Variants in RASAL3 observed in about 807,000 individuals in gnomAD.
RASAL3 encodes the protein RAS protein activator like 3, also known as RAS protein activator like-3.
Under a neutral mutation model 105.5 loss-of-function variants are expected in RASAL3, and 74 were observed. The observed-to-expected ratio is 0.70, with a 90% CI of 0.58 to 0.85. RASAL3 has a LOEUF of 0.85. Ranked by LOEUF, RASAL3 falls within the 40% of genes least tolerant of loss-of-function variation. RASAL3 has a pLI of 0.00. For synonymous variants in RASAL3, 579 were observed against 591.6 expected, an observed-to-expected ratio of 0.98 and a Z score of 0.31; for missense variants, 1,352 against 1,392.0, an observed-to-expected ratio of 0.97 and a Z score of 0.46.
Position 15,451,832 on chromosome 19 carries a change from G to A in RASAL3, c.2999C>T (p.Pro1000Leu), listed in dbSNP as rs368141019. 8.5e-5 allele frequency: 136 copies of A among 1,605,996 alleles called. No individual in the cohort carries two copies. The highest frequency in any genetic ancestry group is 1.1e-4 in the Non-Finnish European group (131 of 1,174,330). ...TCCATTGAGGCAGGGTGCTTTGAGG[G>A]GCTGGGGTTGACTCCAAGACCCCCG... is the stretch of plus-strand genomic sequence containing the variant. ...RTRGSWSQPQ[P>L]LKAPCLNGDT... The change falls in exon 18 of 18, where the codon CCC becomes CTC. Residue 1000 changes from proline to leucine, a missense_variant. Physicochemically the swap from Pro to Leu is moderately conservative, Grantham distance 98 (BLOSUM62 -3). This residue lies in a region of RASAL3 where 920 missense variants were observed against 919.6 expected (regional missense o/e 1.00). Transcript: ENST00000343625.
rs1711784210 is a variant in RASAL3 at position 15,452,673 on chromosome 19, G to T, written c.2813C>A (p.Ser938Tyr). 2 of 1,549,276 alleles carry T rather than the reference G, an allele frequency of 1.3e-6. No homozygotes were observed. Among genetic ancestry groups the T allele is most frequent in the East Asian group, 4.9e-5 (2 of 41,004 alleles). ...CTGGGCTCACCCAGCACGGAGCCTG[G>T]AGTCCAGATCCTGCAGCTGGCCCCG... ...QLRGQLQDLD[S>Y]RLRAGSSEFD... is the part of the protein sequence containing the mutation. Residue 938 changes from serine (S) to tyrosine (Y), a missense_variant, in exon 16 of 18, where the codon TCC becomes TAC. By Grantham distance (144) the Ser-to-Tyr change is moderately radical. Coordinates refer to ENST00000343625, the MANE Select transcript of RASAL3 (RefSeq NM_022904.3).
chr19:15,464,456 G>C (rs1599757800), intron 1 of RASAL3, 49 bp downstream of exon 1: 1 of 1,223,090 alleles, frequency 8.2e-7, no homozygotes, highest in Admixed American at 2.1e-5. Flanking sequence ...CCCACCCTCA[G>C]CTCTGCCTCC....
rs1970255982 is a variant in RASAL3, at chr19:15,454,489, A to G, written c.2032T>C (p.Phe678Leu). ...LEEHGPAMQC[F>L]LDQVAMVDVD... ...TCCACCATGGCTACCTGGTCCAGGA[A>G]GCATTGCATGGCTGGTCCATGTTCC... Residue 678 changes from phenylalanine to leucine, a missense_variant, in exon 13 of 18, where the codon TTC becomes CTC. By Grantham distance (22) the Phe-to-Leu change is conservative. Around this residue, in one of 3 missense-constraint regions of RASAL3, gnomAD observed 920 missense variants for 919.6 expected, o/e 1.00. Coordinates refer to ENST00000343625, the MANE Select transcript of RASAL3 (RefSeq NM_022904.3). 1 of 1,613,892 alleles carries G rather than the reference A, an allele frequency of 6.2e-7. No homozygotes were observed. The highest frequency in any genetic ancestry group is 1.7e-5 in the Admixed American group (1 of 60,000).
At position 15,453,337 on chromosome 19, in the gene RASAL3, C is replaced by T. The variant is rs1970218176; in HGVS notation, c.2440G>A (p.Val814Met). The change falls in exon 15 of 18, where the codon GTG becomes ATG. Residue 814 changes from valine (V) to methionine (M), a missense_variant. By Grantham distance (21) the Val-to-Met change is conservative. Coordinates refer to ENST00000343625, the MANE Select transcript of RASAL3 (RefSeq NM_022904.3). This position sits in a 1 kb window ranked among gnomAD's most constrained non-coding sequence, Gnocchi z 4.2. ...ACCGGGACACTCTGCGTGCGCTGCA[C>T]CGGCCGGGGCCGCCGCAGGGGCCGC... is the stretch of plus-strand genomic sequence containing the variant. ...EERPLRRPRPVQRTQSVPVRR... is the reference protein window; with the variant it reads ...EERPLRRPRPMQRTQSVPVRR... 1 of 1,422,674 alleles carries T rather than the reference C, an allele frequency of 7.0e-7. No homozygotes were observed. The highest frequency in any genetic ancestry group is 1.5e-5 in the South Asian group (1 of 66,800). The allele number at this position is 1,422,674 out of a possible 1,614,324, so 88.1% of individuals were successfully genotyped here.
chr19:15,456,862 C>T lies in RASAL3; in HGVS notation c.1432-216G>A. Reference sequence around the variant, plus strand: ...TCAGCGCTGAGGTGCAACCTGGGCCCCGCCCCTCACGCGTGATGCTCAGGC... The same window carrying T: ...TCAGCGCTGAGGTGCAACCTGGGCCTCGCCCCTCACGCGTGATGCTCAGGC... On this transcript the variant is annotated intron_variant, in intron 9 of 17. Coordinates refer to ENST00000343625, the MANE Select transcript of RASAL3 (RefSeq NM_022904.3). The surrounding 1 kb of genome is among the most constrained non-coding windows in gnomAD (Gnocchi z 4.4). 1.6e-6 allele frequency: 1 copy of T among 614,124 alleles called. No homozygotes were observed. Among genetic ancestry groups the T allele is most frequent in the East Asian group, 2.8e-5 (1 of 35,576 alleles). 38.0% of individuals were successfully genotyped at this position (614,124 alleles called of 1,614,324 possible). A position where few individuals can be genotyped will look rare whatever the true frequency, so the allele number is the denominator to read the frequency against.
At chr19:15,463,234 T>A (rs557875705) in intron 2 of RASAL3, among the ~76,000 whole-genome samples, 108 of 152,006 alleles carry the variant, frequency 7.1e-4, no homozygotes, top group African/African-American at 2.5e-3. Context: ...TACAGGTATG[T>A]GCCACCATGC....
chr19:15,457,599 G>A lies in RASAL3; in HGVS notation c.1124C>T (p.Pro375Leu), dbSNP rs1233120670. Residue 375 changes from proline to leucine, a missense_variant, in exon 9 of 18, where the codon CCG becomes CTG. Pro to Leu is a moderately conservative substitution (Grantham distance 98, BLOSUM62 -3). Coordinates refer to ENST00000343625, the MANE Select transcript of RASAL3 (RefSeq NM_022904.3). The surrounding 1 kb of genome is among the most constrained non-coding windows in gnomAD (Gnocchi z 8.6). The stretch of plus-strand genomic sequence containing the variant: ...CACGCGGCCCAGCACCGCGCTTCCC[G>A]GGCCCAAGCCGCGCAGCCGCAGCGA... ...RLSLRLRGLGPGSAVLGRVAL... is the reference protein window; with the variant it reads ...RLSLRLRGLGLGSAVLGRVAL... The A allele has an allele frequency of 1.5e-6, 2 of 1,333,246 alleles. No homozygotes were observed. The allele number at this position is 1,333,246 out of a possible 1,614,324, so 82.6% of individuals were successfully genotyped here.
At chr19:15,458,236 G>T in intron 8 of RASAL3, 92 bp downstream of exon 8, 1 of 1,233,318 alleles carries the variant, frequency 8.1e-7, no homozygotes, top group Non-Finnish European at 1.2e-6. Flanking sequence ...GGGGGCGCGG[G>T]TTATGGAGCG....
chr19:15,461,996 G>GT (rs1290486656), intron 2 of RASAL3, among the ~76,000 whole-genome samples: 29 of 151,962 alleles, frequency 1.9e-4, no homozygotes, highest in South Asian at 1.9e-3. Flanking sequence ...CTCTTTTTTT[G>GT]TTTTTTTGTT....
At chr19:15,454,610 C>G (rs1970259776) in intron 12 of RASAL3, 47 bp downstream of exon 12, 1 of 1,612,292 alleles carries the variant, frequency 6.2e-7, no homozygotes, top group African/African-American at 1.3e-5. Context: ...CCTGCCACCC[C>G]CACACTCCCA....
At chr19:15,455,774 C>G (rs1970295297) in intron 11 of RASAL3, among the ~76,000 whole-genome samples, 1 of 152,206 alleles carries the variant, frequency 6.6e-6, no homozygotes, top group Admixed American at 6.5e-5. Flanking sequence ...ATCCTCCAGC[C>G]TCGGCTGGGA....
intron 15 of RASAL3, 138 bp downstream of exon 15, chr19:15,452,969 C>G (rs1970205609): frequency 6.8e-7 from 1 of 1,478,490 alleles, no homozygotes; most frequent in African/African-American, 1.4e-5. Flanking sequence ...GACTGAAGCT[C>G]AGAGAGGGTC....
At chr19:15,463,861 T>A (rs1970585301) in intron 2 of RASAL3, among the ~76,000 whole-genome samples, 170 bp downstream of exon 2, 1 of 152,086 alleles carries the variant, frequency 6.6e-6, no homozygotes, top group Admixed American at 6.5e-5. Context: ...CCTCCTACCC[T>A]CTTTAGGGGG....
rs571280433 is a variant in RASAL3 at position 15,463,965 on chromosome 19, G to C, written c.328+66C>G. 5.6e-5 allele frequency: 79 copies of C among 1,400,714 alleles called. 1 individual carries two copies. In the South Asian group the frequency reaches 1.1e-3, roughly 19 times the overall value. The allele number at this position is 1,400,714 out of a possible 1,614,324, so 86.8% of individuals were successfully genotyped here. On this transcript the variant is annotated intron_variant, in intron 2 of 17. Transcript: ENST00000343625. ...GTGTCTGTATGGTTGATGCTCCGGA[G>C]GCAGACAAAACCCAAGCATCCGGCT...
rs1319756002 is a variant in RASAL3 at position 15,461,110 on chromosome 19, C to T, written c.556G>A (p.Gly186Arg). ...CCAGCAGTCTCCGGTTCTGTTTTTCCAGGCATCCGATCTGTGGGTCGTTAT... is the reference window on the plus strand; with the variant it reads ...CCAGCAGTCTCCGGTTCTGTTTTTCTAGGCATCCGATCTGTGGGTCGTTAT... ...GNFRDPDRMPGKTEPETAGPN... is the reference protein window; with the variant it reads ...GNFRDPDRMPRKTEPETAGPN... The change falls in exon 5 of 18, where the codon GGA becomes AGA. Residue 186 changes from glycine to arginine, a missense_variant. By Grantham distance (125) the Gly-to-Arg change is moderately radical (BLOSUM62 -2). Transcript: ENST00000343625. 1.9e-6 allele frequency: 3 copies of T among 1,613,798 alleles called. No homozygotes were observed. Among genetic ancestry groups the T allele is most frequent in the East Asian group, 2.2e-5 (1 of 44,894 alleles).
chr19:15,463,648 G>A lies in RASAL3; in HGVS notation c.328+383C>T, dbSNP rs118172391. On this transcript the variant is annotated intron_variant, in intron 2 of 17. Coordinates refer to ENST00000343625, the MANE Select transcript of RASAL3 (RefSeq NM_022904.3). ...GGAGAGGCTGAGGCTTAAGGGCTCA[G>A]AACAAAGACACGGAAGCTAGAAGGT... Among the ~76,000 whole-genome samples the A allele has an allele frequency of 2.0e-5, 3 of 152,314 alleles. No homozygotes were observed. The East Asian group carries it at 5.8e-4, about 29-fold the overall frequency.
chr19:15,459,998 G>A (rs1044489690), intron 6 of RASAL3, among the ~76,000 whole-genome samples: 1 of 152,142 alleles, frequency 6.6e-6, no homozygotes, highest in East Asian at 1.9e-4. Flanking sequence ...GATTGACTTA[G>A]CTCCCATTTT....
Position 15,454,723 on chromosome 19 carries a change from G to C in RASAL3, c.1892C>G (p.Ala631Gly), listed in dbSNP as rs991754391. 1 of 1,610,772 alleles carries C rather than the reference G, an allele frequency of 6.2e-7. No homozygotes were observed. Among genetic ancestry groups the C allele is most frequent in the African/African-American group, 1.3e-5 (1 of 75,014 alleles). The change falls in exon 12 of 18, where the codon GCA becomes GGA. Residue 631 changes from alanine (A) to glycine (G), a missense_variant. Physicochemically the swap from Ala to Gly is moderately conservative, Grantham distance 60. Around this residue, in one of 3 missense-constraint regions of RASAL3, gnomAD observed 920 missense variants for 919.6 expected, o/e 1.00. Coordinates refer to ENST00000343625, the MANE Select transcript of RASAL3 (RefSeq NM_022904.3). ...SLFGLAPDHPAPGPARTLTLI... is the reference protein window; with the variant it reads ...SLFGLAPDHPGPGPARTLTLI... ...TGTGAGGGTGCGGGCTGGGCCGGGT[G>C]CTGGATGGTCTGGTGCCAAACCAAA...
chr19:15,454,830 G>A lies in RASAL3; in HGVS notation c.1785C>T (p.Gly595=). 8 of 1,586,716 alleles carry A rather than the reference G, an allele frequency of 5.0e-6. No individual in the cohort carries two copies. The highest frequency in any genetic ancestry group is 6.9e-6 in the Non-Finnish European group (8 of 1,166,864). The change falls in exon 12 of 18, where the codon GGC becomes GGT. Residue 595 remains glycine (G), a synonymous_variant. Transcript: ENST00000343625. ...CCAGTCGGGGGCCCAGCACCTCAGA[G>A]CCACGTTCTTTACATGCTTCTCGCC... ...SSWREACKER[G]SEVLGPRLVC...
Sources: gnomAD v4.1 joint callset for allele counts (sites outside exome capture counted in the v4.1 genomes callset) on GRCh38, gnomAD v4.1.1 for gene constraint, gnomAD v4.1.1 regional missense constraint, Gnocchi (gnomAD v3.1) non-coding constraint, MANE v1.5 for transcripts, NCBI Gene and HGNC (gene_info 2026-07-23, HGNC 2026-07-21) for gene names.